Variants in TMEM131L observed in about 807,000 individuals in gnomAD.
TMEM131L encodes the protein transmembrane protein 131-like.
A neutral mutation model predicts 192.2 loss-of-function variants in TMEM131L; 54 were observed. The ratio of observed to expected loss-of-function variants is 0.28; its 90% CI spans 0.23 to 0.35. TMEM131L has a LOEUF of 0.35. TMEM131L is among the 10% of genes least tolerant of loss of function. The probability of loss-of-function intolerance (pLI) is 1.00; values close to 1 mark genes in which losing one functional copy is unlikely to be tolerated. For synonymous variants in TMEM131L, 701 were observed against 704.9 expected (o/e 0.99, Z 0.09); for missense variants, 1,888 against 1,972.9 (o/e 0.96, Z 0.82).
chr4:153,500,401 C>T (rs925213138), intron 3 of TMEM131L, among the ~76,000 whole-genome samples: 2 of 152,218 alleles, frequency 1.3e-5, no homozygotes, highest in African/African-American at 4.8e-5. Context: ...GCCACCACAC[C>T]CATCCCAGAA....
chr4:153,523,824 C>T (rs1378626173), intron 3 of TMEM131L, among the ~76,000 whole-genome samples: 1 of 152,180 alleles, frequency 6.6e-6, no homozygotes, highest in Non-Finnish European at 1.5e-5. Context: ...TGCAGTCAGG[C>T]TGATAGATTA....
At chr4:153,472,698 A>G (rs750392698) in intron 2 of TMEM131L, among the ~76,000 whole-genome samples, 18 of 152,178 alleles carry the variant, frequency 1.2e-4, no homozygotes, top group Non-Finnish European at 2.6e-4. Context: ...TTGCGGTTTT[A>G]AGAGGTCAAA....
intron 3 of TMEM131L, among the ~76,000 whole-genome samples, chr4:153,485,187 C>T (rs958491640): frequency 4.1e-5 from 6 of 147,514 alleles, no homozygotes; most frequent in Non-Finnish European, 8.9e-5. Context: ...ACTGTTGATT[C>T]GTTTTTATTA....
chr4:153,556,157 A>G (rs1340759442), intron 5 of TMEM131L, among the ~76,000 whole-genome samples: 1 of 152,024 alleles, frequency 6.6e-6, no homozygotes, highest in Non-Finnish European at 1.5e-5. Context: ...GAAGGCTCTC[A>G]GCTGTGTAGT....
intron 3 of TMEM131L, among the ~76,000 whole-genome samples, chr4:153,537,699 C>T (rs1736443203): frequency 6.6e-6 from 1 of 152,174 alleles, no homozygotes; most frequent in South Asian, 2.1e-4. Flanking sequence ...CCTTTATGAC[C>T]TGTATCTTGT....
chr4:153,468,107 A>G (rs1579995177), intron 2 of TMEM131L, among the ~76,000 whole-genome samples: 2 of 152,254 alleles, frequency 1.3e-5, no homozygotes, highest in East Asian at 1.9e-4. Context: ...CGGTGGTGGC[A>G]GCACTTAATT....
Position 153,627,469 on chromosome 4 carries a change from C to CTTTTA in TMEM131L, c.4125-135_4125-134insTTTAT, listed in dbSNP as rs1733927848. ...CTGTGTAACTTTACATCCTTTATAT[C>CTTTTA]TGTATGTTTCTTCCCCAAGAAACTC... is the stretch of plus-strand genomic sequence containing the variant. On this transcript the variant is annotated intron_variant, in intron 30 of 34. Transcript: ENST00000409959. The CTTTTA allele has an allele frequency of 1.1e-5, 7 of 621,368 alleles. No homozygotes were observed. In the East Asian group the frequency reaches 2.0e-4, roughly 17 times the overall value. The allele number at this position is 621,368 out of a possible 1,614,324, so 38.5% of individuals were successfully genotyped here.
At position 153,521,430 on chromosome 4, in the gene TMEM131L, C is replaced by T. The variant is rs114528155; in HGVS notation, c.240-28643C>T. Among the ~76,000 whole-genome samples the T allele has an allele frequency of 6.9e-3, 1,054 of 152,274 alleles. 12 individuals carry two copies. The highest frequency in any genetic ancestry group is 0.024 in the African/African-American group (1,002 of 41,538). ...TTGTACATTGCTATAGGAAAGGACA[C>T]GTGCTGTTAAATACAGATAGACCTT... is the stretch of plus-strand genomic sequence containing the variant. On this transcript the variant is annotated intron_variant, in intron 3 of 34. Transcript: ENST00000409959.
intron 3 of TMEM131L, among the ~76,000 whole-genome samples, chr4:153,501,768 G>T (rs1213825412): frequency 6.6e-6 from 1 of 151,980 alleles, no homozygotes; most frequent in African/African-American, 2.4e-5. Context: ...GGCAGGCCAG[G>T]ACTGAGGTGA....
At chr4:153,507,934 T>C (rs563176158) in intron 3 of TMEM131L, among the ~76,000 whole-genome samples, 1 of 152,274 alleles carries the variant, frequency 6.6e-6, no homozygotes, top group South Asian at 2.1e-4. Context: ...ATAGAATGGA[T>C]TCTGTAGTTG....
At chr4:153,629,408 AG>A (rs1734064699) in intron 31 of TMEM131L, among the ~76,000 whole-genome samples, 1 of 152,230 alleles carries the variant, frequency 6.6e-6, no homozygotes, top group East Asian at 1.9e-4. Context: ...GTATTACTGC[AG>A]ATTTCCCTTC....
At chr4:153,508,342 T>C (rs1170157148) in intron 3 of TMEM131L, among the ~76,000 whole-genome samples, 1 of 152,202 alleles carries the variant, frequency 6.6e-6, no homozygotes, top group African/African-American at 2.4e-5. Context: ...CCAAAAATAT[T>C]GTGGTGTCCA....
chr4:153,599,239 C>T (rs1578835625), intron 21 of TMEM131L, among the ~76,000 whole-genome samples: 1 of 152,160 alleles, frequency 6.6e-6, no homozygotes, highest in East Asian at 1.9e-4. Context: ...TTTAAACAAC[C>T]AGATCTCACG....
intron 7 of TMEM131L, among the ~76,000 whole-genome samples, chr4:153,575,485 T>C (rs1729870758): frequency 6.6e-6 from 1 of 152,226 alleles, no homozygotes; most frequent in African/African-American, 2.4e-5. Context: ...TTTTAATTTG[T>C]TAAAAAAGTA....
At chr4:153,578,985 A>G (rs1730156052) in intron 7 of TMEM131L, among the ~76,000 whole-genome samples, 1 of 152,166 alleles carries the variant, frequency 6.6e-6, no homozygotes, top group South Asian at 2.1e-4. Flanking sequence ...TTTTAAAGAT[A>G]AATTTTAAAA....
chr4:153,539,229 G>T (rs1306191463), intron 3 of TMEM131L, among the ~76,000 whole-genome samples: 3 of 152,188 alleles, frequency 2.0e-5, no homozygotes, highest in African/African-American at 7.2e-5. Context: ...TCTGACTTGT[G>T]TTAAGGAGTC....
intron 7 of TMEM131L, among the ~76,000 whole-genome samples, chr4:153,580,537 C>T (rs1474930690): frequency 6.6e-6 from 1 of 152,156 alleles, no homozygotes; most frequent in East Asian, 1.9e-4. Context: ...ATATTTAGAA[C>T]ATATTCACCT....
At chr4:153,470,160 C>T (rs951950335) in intron 2 of TMEM131L, among the ~76,000 whole-genome samples, 1 of 152,000 alleles carries the variant, frequency 6.6e-6, no homozygotes, top group African/African-American at 2.4e-5. Context: ...GAATCTCAGC[C>T]CTATCCCTTT....
intron 3 of TMEM131L, among the ~76,000 whole-genome samples, chr4:153,524,342 C>T (rs531332045): frequency 6.6e-6 from 1 of 152,118 alleles, no homozygotes; most frequent in African/African-American, 2.4e-5. Context: ...AGGCCATAAG[C>T]GAGGGCTACT....
Sources: gnomAD v4.1 joint callset for allele counts (sites outside exome capture counted in the v4.1 genomes callset) on GRCh38, gnomAD v4.1.1 for gene constraint, MANE v1.5 for transcripts, NCBI Gene and HGNC (gene_info 2026-07-23, HGNC 2026-07-21) for gene names.